The following RBFOX1 variants were observed in gnomAD, a reference collection of about 807,000 sequenced individuals.
RBFOX1 encodes RNA binding protein fox-1 homolog 1.
In RBFOX1, 8 loss-of-function variants were observed where a neutral mutation model predicts 57.7. The ratio of observed to expected loss-of-function variants is 0.14; its 90% confidence interval spans 0.08 to 0.25. The LOEUF (loss-of-function observed/expected upper bound fraction) is 0.25, where lower values mean the gene tolerates loss of function less well. Among genes scored for constraint, RBFOX1 ranks in the 10% least tolerant of loss-of-function variants. The pLI is 1.00. For synonymous variants in RBFOX1, 326 were observed against 222.4 expected (o/e 1.47, Z -4.15); for missense variants, 611 against 548.5 (o/e 1.11, Z -1.14).
chr16:7,514,167 G>C (rs2075834578), intron 4 of RBFOX1, among the ~76,000 whole-genome samples: 1 of 152,124 alleles, frequency 6.6e-6, no homozygotes, highest in Non-Finnish European at 1.5e-5. Flanking sequence ...CTCTGTCACA[G>C]CTATCCAACT....
intron 4 of RBFOX1, among the ~76,000 whole-genome samples, chr16:7,513,754 G>A (rs1168997233): frequency 6.6e-6 from 1 of 152,176 alleles, no homozygotes; most frequent in Non-Finnish European, 1.5e-5. Context: ...GACCAGTGAG[G>A]AGAAGGGGCT....
intron 4 of RBFOX1, among the ~76,000 whole-genome samples, chr16:7,206,247 G>T (rs1043877733): frequency 6.6e-6 from 1 of 152,076 alleles, no homozygotes; most frequent in Non-Finnish European, 1.5e-5. Flanking sequence ...TAACATCTTA[G>T]TCTTTTGTGT....
intron 3 of RBFOX1, among the ~76,000 whole-genome samples, chr16:7,030,505 C>G (rs954888080): frequency 3.3e-5 from 5 of 152,232 alleles, no homozygotes; most frequent in Non-Finnish European, 7.4e-5. Flanking sequence ...TCCAGTGGCT[C>G]CAGGCGTTCC....
intron 14 of RBFOX1, among the ~76,000 whole-genome samples, chr16:7,689,278 T>G (rs1056292532): frequency 3.9e-5 from 6 of 152,108 alleles, no homozygotes; most frequent in African/African-American, 1.4e-4. Context: ...TGGTAATCCT[T>G]CCTCTTCTCC....
intron 10 of RBFOX1, among the ~76,000 whole-genome samples, chr16:7,622,093 A>AG (rs2059402470): frequency 6.6e-6 from 1 of 151,984 alleles, no homozygotes; most frequent in East Asian, 1.9e-4. Flanking sequence ...GGCTCGGGGG[A>AG]GGGGAGCAGT....
chr16:7,440,567 A>G (rs1355124186), intron 4 of RBFOX1, among the ~76,000 whole-genome samples: 2 of 152,194 alleles, frequency 1.3e-5, no homozygotes, highest in African/African-American at 4.8e-5. Context: ...ATTAGGACTT[A>G]GAGATCCTGT....
chr16:6,365,930 C>G (rs1362730196), intron 2 of RBFOX1, among the ~76,000 whole-genome samples: 1 of 152,046 alleles, frequency 6.6e-6, no homozygotes. Flanking sequence ...ACTACTTCAA[C>G]TGCTGCTAAG....
intron 1 of RBFOX1, among the ~76,000 whole-genome samples, chr16:5,397,265 C>G (rs2066585225): frequency 2.0e-5 from 3 of 152,178 alleles, no homozygotes; most frequent in Non-Finnish European, 4.4e-5. Flanking sequence ...TTCATGGTAT[C>G]CTCTTGAACT....
intron 2 of RBFOX1, among the ~76,000 whole-genome samples, chr16:6,559,659 C>G (rs1599832878): frequency 6.6e-6 from 1 of 152,006 alleles, no homozygotes; most frequent in Admixed American, 6.6e-5. Flanking sequence ...AATATATACC[C>G]ACACACACAA....
At chr16:5,378,500 G>A (rs9923382) in intron 1 of RBFOX1, among the ~76,000 whole-genome samples, 16,239 of 151,394 alleles carry the variant, frequency 0.11, 1,655 homozygotes, top group African/African-American at 0.22. Context: ...TTAAGCGTCA[G>A]TATTAACTAT....
At chr16:6,368,187 G>C (rs2089938449) in intron 2 of RBFOX1, among the ~76,000 whole-genome samples, 1 of 152,088 alleles carries the variant, frequency 6.6e-6, no homozygotes, top group Non-Finnish European at 1.5e-5. Context: ...ATGCATATGA[G>C]ACTTGTATTA....
At chr16:5,966,484 G>A (rs367690339) in intron 4 of RBFOX1, among the ~76,000 whole-genome samples, 6 of 152,258 alleles carry the variant, frequency 3.9e-5, no homozygotes, top group African/African-American at 1.4e-4. Context: ...TTGAGGTAGA[G>A]TCTTACTCAG....
intron 3 of RBFOX1, among the ~76,000 whole-genome samples, chr16:6,812,770 C>T (rs367977085): frequency 5.8e-4 from 88 of 152,262 alleles, no homozygotes; most frequent in African/African-American, 2.0e-3. Context: ...CATTTGTGCT[C>T]ATAAGCGGCA....
intron 3 of RBFOX1, among the ~76,000 whole-genome samples, chr16:5,777,643 A>T (rs2054189803): frequency 6.6e-6 from 1 of 152,194 alleles, no homozygotes; most frequent in Non-Finnish European, 1.5e-5. Context: ...AAAGCGGAAT[A>T]ATGCTAGTAC....
chr16:5,875,457 A>G (rs2151909518), intron 4 of RBFOX1, among the ~76,000 whole-genome samples: 1 of 152,324 alleles, frequency 6.6e-6, no homozygotes, highest in African/African-American at 2.4e-5. Flanking sequence ...GTTACATAGC[A>G]TGGGGACAAT....
At chr16:7,220,356 C>T (rs1424561680) in intron 4 of RBFOX1, among the ~76,000 whole-genome samples, 3 of 152,122 alleles carry the variant, frequency 2.0e-5, no homozygotes, top group South Asian at 4.1e-4. Context: ...TGCAACATGG[C>T]CCCAAGTATA....
At chr16:7,526,099 G>C (rs182691663) in intron 5 of RBFOX1, among the ~76,000 whole-genome samples, 1 of 152,144 alleles carries the variant, frequency 6.6e-6, no homozygotes, top group African/African-American at 2.4e-5. Flanking sequence ...TCAGAGAAGC[G>C]TGAACCCTAT....
chr16:5,443,416 C>T (rs1316580277), intron 1 of RBFOX1, among the ~76,000 whole-genome samples: 1 of 152,214 alleles, frequency 6.6e-6, no homozygotes, highest in Non-Finnish European at 1.5e-5. Flanking sequence ...TGGCTCACTG[C>T]AACCTCCACC....
At chr16:5,759,192 A>C (rs79960265) in intron 3 of RBFOX1, among the ~76,000 whole-genome samples, 1 of 152,332 alleles carries the variant, frequency 6.6e-6, no homozygotes, top group Non-Finnish European at 1.5e-5. Flanking sequence ...CCACGAAGGC[A>C]AGGTTCAGTT....
Sources: gnomAD v4.1 joint callset for allele counts (sites outside exome capture counted in the v4.1 genomes callset) on GRCh38, gnomAD v4.1.1 for gene constraint, MANE v1.5 for transcripts, NCBI Gene and HGNC (gene_info 2026-07-23, HGNC 2026-07-21) for gene names.